The following COL19A1 variants were observed in gnomAD, a reference collection of about 807,000 sequenced individuals.
COL19A1 encodes collagen alpha-1(XIX) chain.
Under a neutral mutation model 190.2 loss-of-function variants are expected in COL19A1, and 159 were observed. That is an observed-to-expected ratio of 0.84 (90% confidence interval 0.73 to 0.95). The LOEUF is 0.95. Ranked by LOEUF, COL19A1 falls within the 40% of genes least tolerant of loss-of-function variation. The pLI is 0.00. For synonymous variants in COL19A1, 509 were observed against 458.9 expected (o/e 1.11, Z -1.39); for missense variants, 1,418 against 1,431.9 (o/e 0.99, Z 0.16).
At chr6:70,029,201 G>A (rs1033624672) in intron 12 of COL19A1, among the ~76,000 whole-genome samples, 1 of 151,970 alleles carries the variant, frequency 6.6e-6, no homozygotes, top group Non-Finnish European at 1.5e-5. Context: ...CTTGTGAAAA[G>A]AATTAATTGA....
chr6:70,122,446 T>G (rs1229971862), intron 17 of COL19A1, among the ~76,000 whole-genome samples: 1 of 152,132 alleles, frequency 6.6e-6, no homozygotes, highest in East Asian at 1.9e-4. Flanking sequence ...ATAGGCGGAA[T>G]GCTGACGTGG....
At chr6:70,201,875 T>A (rs1366651457) in intron 49 of COL19A1, among the ~76,000 whole-genome samples, 3 of 152,198 alleles carry the variant, frequency 2.0e-5, no homozygotes, top group Non-Finnish European at 4.4e-5. Context: ...TGCTGTTTAA[T>A]TTTTGGTGCC....
At chr6:70,117,003 G>A (rs774791779) in intron 16 of COL19A1, among the ~76,000 whole-genome samples, 3 of 152,188 alleles carry the variant, frequency 2.0e-5, no homozygotes, top group Admixed American at 2.0e-4. Flanking sequence ...GGCTCAAGGA[G>A]ACTCAGTCAA....
In COL19A1 at chr6:70,126,764, C is replaced by T. The variant is rs150319568; in HGVS notation, c.1342-3418C>T. ...TGGGGGCCAGAAGTCAAGATGAAGG[C>T]GTTGTCAGGACCACGTTATCTCCAA... On this transcript the variant is annotated intron_variant, in intron 17 of 50. Coordinates refer to ENST00000620364, the MANE Select transcript of COL19A1 (RefSeq NM_001858.6). 2.3e-3 allele frequency among the ~76,000 whole-genome samples: 347 copies of T among 152,276 alleles called. 1 individual carries two copies. Among genetic ancestry groups the T allele is most frequent in the Non-Finnish European group, 4.1e-3 (276 of 68,018 alleles).
chr6:70,118,503 G>C (rs1032806693), intron 16 of COL19A1, among the ~76,000 whole-genome samples: 1 of 152,064 alleles, frequency 6.6e-6, no homozygotes, highest in African/African-American at 2.4e-5. Flanking sequence ...TTGCCTGCAG[G>C]GTAGACGGTT....
At chr6:70,186,300 A>G (rs1363499114) in intron 46 of COL19A1, among the ~76,000 whole-genome samples, 1 of 152,226 alleles carries the variant, frequency 6.6e-6, no homozygotes, top group Non-Finnish European at 1.5e-5. Flanking sequence ...TATCTTGCAC[A>G]TGATCAGAGT....
intron 15 of COL19A1, among the ~76,000 whole-genome samples, chr6:70,084,404 T>C (rs745718734): frequency 5.3e-5 from 8 of 152,176 alleles, no homozygotes; most frequent in Non-Finnish European, 1.2e-4. Flanking sequence ...AACCCATGAG[T>C]TGTGATCCAT....
intron 15 of COL19A1, among the ~76,000 whole-genome samples, chr6:70,078,582 C>T (rs537008349): frequency 6.6e-6 from 1 of 152,046 alleles, no homozygotes; most frequent in African/African-American, 2.4e-5. Flanking sequence ...ACTAAGGTAA[C>T]CCTCCAGGAA....
chr6:69,979,503 G>C (rs1368670424), intron 11 of COL19A1, among the ~76,000 whole-genome samples: 1 of 151,742 alleles, frequency 6.6e-6, no homozygotes, highest in Non-Finnish European at 1.5e-5. Context: ...AGGAATTGAT[G>C]AAATATTTTT....
chr6:69,933,998 A>T (rs970264413), intron 7 of COL19A1, among the ~76,000 whole-genome samples: 1 of 152,072 alleles, frequency 6.6e-6, no homozygotes, highest in African/African-American at 2.4e-5. Flanking sequence ...AATGTTCTAT[A>T]CTTGCCATAG....
chr6:69,882,979 G>T (rs1030850612), intron 2 of COL19A1, among the ~76,000 whole-genome samples: 2 of 152,202 alleles, frequency 1.3e-5, no homozygotes, highest in African/African-American at 4.8e-5. Flanking sequence ...CCTAAATTTT[G>T]AAAGTGGAGG....
chr6:70,054,458 A>G (rs1280823221), intron 14 of COL19A1, among the ~76,000 whole-genome samples: 1 of 152,200 alleles, frequency 6.6e-6, no homozygotes, highest in African/African-American at 2.4e-5. Flanking sequence ...GTTAACAGTA[A>G]TGACAACTTA....
intron 10 of COL19A1, among the ~76,000 whole-genome samples, chr6:69,961,274 A>T (rs570604233): frequency 7.2e-4 from 109 of 152,352 alleles, no homozygotes; most frequent in Admixed American, 1.8e-3. Context: ...TGTGTTAAAG[A>T]ATTTATTTAC....
intron 11 of COL19A1, among the ~76,000 whole-genome samples, chr6:69,985,360 G>T (rs1450405873): frequency 6.6e-6 from 1 of 152,166 alleles, no homozygotes; most frequent in African/African-American, 2.4e-5. Flanking sequence ...TTCCTCAGAA[G>T]AGAAACACCC....
intron 4 of COL19A1, among the ~76,000 whole-genome samples, chr6:69,918,896 A>G (rs1771503878): frequency 6.6e-6 from 1 of 152,186 alleles, no homozygotes; most frequent in African/African-American, 2.4e-5. Context: ...CTGACGCAGC[A>G]ATATAAAACG....
intron 11 of COL19A1, among the ~76,000 whole-genome samples, chr6:69,982,828 C>T (rs188694282): frequency 0.016 from 2,391 of 150,786 alleles, 38 homozygotes; most frequent in Middle Eastern, 0.027. Context: ...AAAAATTAGC[C>T]GGGCTTGGTG....
At chr6:70,122,650 T>A (rs1422688427) in intron 17 of COL19A1, among the ~76,000 whole-genome samples, 2 of 152,176 alleles carry the variant, frequency 1.3e-5, no homozygotes, top group Non-Finnish European at 2.9e-5. Context: ...TAATGGTTCA[T>A]CATTGATTTC....
chr6:70,069,678 T>A (rs1781437950), intron 15 of COL19A1, among the ~76,000 whole-genome samples: 1 of 152,186 alleles, frequency 6.6e-6, no homozygotes, highest in South Asian at 2.1e-4. Context: ...TGACTTGTAC[T>A]ACATGTGGTC....
intron 50 of COL19A1, 61 bp from the exon 51 acceptor site, chr6:70,207,086 G>C (rs1266083931): frequency 6.2e-7 from 1 of 1,604,672 alleles, no homozygotes; most frequent in African/African-American, 1.3e-5. Flanking sequence ...GTTGGCTAGA[G>C]GGTGGGAGAG....
Sources: allele counts gnomAD v4.1 joint callset (sites outside exome capture counted in the v4.1 genomes callset), GRCh38; gene constraint gnomAD v4.1.1; transcripts MANE v1.5; gene names NCBI Gene and HGNC (gene_info 2026-07-23, HGNC 2026-07-21).